The following RBFOX1 variants were observed in gnomAD, a reference collection of about 807,000 sequenced individuals.
RBFOX1 encodes the protein RNA binding protein fox-1 homolog 1.
RBFOX1 carries 8 observed loss-of-function variants against 57.7 expected under a neutral mutation model. That is an observed-to-expected ratio of 0.14 (90% CI 0.08 to 0.25). The LOEUF is 0.25. Ranked by LOEUF, RBFOX1 falls within the 10% of genes least tolerant of loss-of-function variation. RBFOX1 has a pLI of 1.00. For synonymous variants in RBFOX1, 326 were observed against 222.4 expected, an observed-to-expected ratio of 1.47 and a Z score of -4.15; for missense variants, 611 against 548.5, an observed-to-expected ratio of 1.11 and a Z score of -1.14.
Position 5,548,169 on chromosome 16 carries a change from AAAAAAATATATATATATAT to A in RBFOX1, c.259-50731_259-50713del, listed in dbSNP as rs1219014440. 1.4e-4 allele frequency among the ~76,000 whole-genome samples: 6 copies of A among 43,094 alleles called. No homozygotes were observed. The Admixed American group carries it at 1.4e-3, about 10-fold the overall frequency. The allele number at this position is 43,094 out of a possible 152,430, so 28.3% of individuals were successfully genotyped here. ...GAGCAAGACTCTGTTAAAAAAAAAAAAAAAAATATATATATATATATATATATATATATATAGACATTGG... is the reference window on the plus strand; with the variant it reads ...GAGCAAGACTCTGTTAAAAAAAAAAAATATATATATATATATAGACATTGG... On this transcript the variant is annotated intron_variant, in intron 2 of 2. Transcript: ENST00000585867.
intron 2 of RBFOX1, among the ~76,000 whole-genome samples, chr16:6,569,094 G>C (rs1270279849): frequency 6.6e-6 from 1 of 152,182 alleles, no homozygotes; most frequent in Non-Finnish European, 1.5e-5. Flanking sequence ...AGATTCTGGT[G>C]TCAGCAGCCC....
chr16:6,288,753 G>C (rs748632613), intron 1 of RBFOX1, among the ~76,000 whole-genome samples: 2 of 152,142 alleles, frequency 1.3e-5, no homozygotes, highest in African/African-American at 2.4e-5. Flanking sequence ...TCTCTAAGCA[G>C]ATAGCACCTG....
intron 2 of RBFOX1, among the ~76,000 whole-genome samples, chr16:6,641,818 T>C (rs1266191692): frequency 6.7e-6 from 1 of 148,974 alleles, no homozygotes; most frequent in African/African-American, 2.5e-5. Flanking sequence ...GCCTTGTTGC[T>C]CTGGGACTTG....
chr16:5,738,840 A>G (rs181361958), intron 3 of RBFOX1, among the ~76,000 whole-genome samples: 4 of 152,276 alleles, frequency 2.6e-5, no homozygotes, highest in Admixed American at 2.6e-4. Context: ...GAAATCAGCT[A>G]GCTCATCTAA....
chr16:7,145,355 C>T (rs577357948), intron 4 of RBFOX1, among the ~76,000 whole-genome samples: 1 of 152,250 alleles, frequency 6.6e-6, no homozygotes, highest in East Asian at 1.9e-4. Context: ...CAGGCATGCA[C>T]CACCACATCT....
intron 3 of RBFOX1, among the ~76,000 whole-genome samples, chr16:6,807,135 C>T (rs778202700): frequency 5.2e-4 from 79 of 151,762 alleles, no homozygotes; most frequent in Admixed American, 1.9e-3. Context: ...TGCCCAGCCT[C>T]TTTTTTTCCT....
At chr16:5,890,312 A>G (rs187440796) in intron 4 of RBFOX1, among the ~76,000 whole-genome samples, 1 of 152,104 alleles carries the variant, frequency 6.6e-6, no homozygotes, top group East Asian at 1.9e-4. Flanking sequence ...GACTGACTTT[A>G]CCCTCCCCAC....
chr16:6,861,974 G>C (rs1356829216), intron 3 of RBFOX1, among the ~76,000 whole-genome samples: 2 of 151,832 alleles, frequency 1.3e-5, no homozygotes, highest in Admixed American at 1.3e-4. Context: ...TGGGAGGCTT[G>C]AATCAAAGAA....
At chr16:7,511,892 C>T (rs910195807) in intron 4 of RBFOX1, among the ~76,000 whole-genome samples, 1 of 152,078 alleles carries the variant, frequency 6.6e-6, no homozygotes, top group African/African-American at 2.4e-5. Context: ...AGATCTTGGC[C>T]TTCTTTCATC....
intron 3 of RBFOX1, among the ~76,000 whole-genome samples, chr16:5,606,020 T>C (rs533622735): frequency 3.1e-4 from 47 of 152,304 alleles, no homozygotes; most frequent in African/African-American, 9.6e-4. Context: ...CCTTGGCATT[T>C]TCCTGTCTTA....
intron 3 of RBFOX1, among the ~76,000 whole-genome samples, chr16:6,739,746 A>C (rs2071481864): frequency 6.6e-6 from 1 of 152,030 alleles, no homozygotes; most frequent in African/African-American, 2.4e-5. Flanking sequence ...GCGTGGTGGC[A>C]GGTGCCTGTA....
Position 7,555,091 on chromosome 16 carries a change from G to A in RBFOX1, c.271-24686G>A, listed in dbSNP as rs77795603. Reference sequence around the variant, plus strand: ...GGTATTTGCTATTGTTGTGAGTAGGGTAAGGGGGGGTTTTTAGTAGAAGCC... The same window carrying A: ...GGTATTTGCTATTGTTGTGAGTAGGATAAGGGGGGGTTTTTAGTAGAAGCC... On this transcript the variant is annotated intron_variant, in intron 5 of 15. Transcript: ENST00000550418. Among the ~76,000 whole-genome samples, 119 of 152,218 alleles carry A rather than the reference G, an allele frequency of 7.8e-4. 2 individuals carry two copies. In the East Asian group the frequency reaches 0.022, roughly 28 times the overall value.
chr16:6,659,005 A>C (rs2098683046), intron 3 of RBFOX1, among the ~76,000 whole-genome samples: 1 of 150,566 alleles, frequency 6.6e-6, no homozygotes. Flanking sequence ...AGCAAAGGTG[A>C]CGGGAGGTAA....
intron 3 of RBFOX1, among the ~76,000 whole-genome samples, chr16:5,643,281 T>TC (rs2151335711): frequency 6.6e-6 from 1 of 152,330 alleles, no homozygotes; most frequent in African/African-American, 2.4e-5. Flanking sequence ...TGATGTGGCT[T>TC]CTTGGCTGTC....
intron 10 of RBFOX1, among the ~76,000 whole-genome samples, chr16:7,621,685 T>G (rs567171322): frequency 6.6e-6 from 1 of 152,350 alleles, no homozygotes; most frequent in African/African-American, 2.4e-5. Flanking sequence ...TGGCAAGTAT[T>G]GATCAAATGA....
intron 3 of RBFOX1, among the ~76,000 whole-genome samples, chr16:5,856,569 G>A (rs1218617316): frequency 3.7e-3 from 120 of 32,818 alleles, no homozygotes; most frequent in Non-Finnish European, 6.0e-3. Context: ...GTGTATGTGT[G>A]TGTGTGTATA....
At chr16:5,665,525 G>A (rs1403854149) in intron 3 of RBFOX1, among the ~76,000 whole-genome samples, 2 of 152,148 alleles carry the variant, frequency 1.3e-5, no homozygotes, top group Non-Finnish European at 2.9e-5. Flanking sequence ...AAATTAAACG[G>A]GATTGTATGT....
intron 11 of RBFOX1, among the ~76,000 whole-genome samples, chr16:7,638,513 T>C (rs2062166959): frequency 6.6e-6 from 1 of 152,184 alleles, no homozygotes; most frequent in Non-Finnish European, 1.5e-5. Context: ...CCAGCAACTC[T>C]ATTTGGGCCA....
intron 4 of RBFOX1, among the ~76,000 whole-genome samples, chr16:7,113,416 C>G (rs540761383): frequency 6.6e-6 from 1 of 152,166 alleles, no homozygotes; most frequent in African/African-American, 2.4e-5. Context: ...CCTTCTTTCT[C>G]ATCTACTTGC....
Sources: gnomAD v4.1 joint callset for allele counts (sites outside exome capture counted in the v4.1 genomes callset) on GRCh38, gnomAD v4.1.1 for gene constraint, MANE v1.5 for transcripts, NCBI Gene and HGNC (gene_info 2026-07-23, HGNC 2026-07-21) for gene names.